Variants in PLA2G4A observed in about 807,000 individuals in gnomAD.
PLA2G4A encodes phospholipase A2 group IVA, also known as cytosolic phospholipase A2.
Under a neutral mutation model 81.9 loss-of-function variants are expected in PLA2G4A, and 40 were observed. The observed-to-expected ratio is 0.49, with a 90% CI of 0.38 to 0.64. The LOEUF (loss-of-function observed/expected upper bound fraction) is 0.64, where lower values mean the gene tolerates loss of function less well. Ranked by LOEUF, PLA2G4A falls within the 30% of genes least tolerant of loss-of-function variation. PLA2G4A has a pLI of 0.00. For missense variants in PLA2G4A, 715 were observed against 905.1 expected (o/e 0.79, Z 2.69); for synonymous variants, 302 against 296.9 (o/e 1.02, Z -0.18).
intron 14 of PLA2G4A, among the ~76,000 whole-genome samples, chr1:186,961,055 C>A (rs138435912): frequency 1.3e-5 from 2 of 152,144 alleles, no homozygotes; most frequent in East Asian, 3.9e-4. Flanking sequence ...CATGGGTGAA[C>A]TTAGTGGATA....
chr1:186,980,421 C>T (rs1030222472), intron 17 of PLA2G4A, among the ~76,000 whole-genome samples: 4 of 152,192 alleles, frequency 2.6e-5, no homozygotes, highest in East Asian at 1.9e-4. Flanking sequence ...AAATCATTGA[C>T]TTGTGGTTCC....
chr1:186,916,165 T>G (rs1655129453), intron 7 of PLA2G4A, among the ~76,000 whole-genome samples: 1 of 17,176 alleles, frequency 5.8e-5, no homozygotes, highest in Non-Finnish European at 9.4e-5. Context: ...AGGAGAGCGT[T>G]CGTAAACTTC....
chr1:186,948,624 T>C (rs908301261), intron 12 of PLA2G4A, among the ~76,000 whole-genome samples: 3 of 152,152 alleles, frequency 2.0e-5, no homozygotes, highest in African/African-American at 7.2e-5. Context: ...TTTTTCTTCT[T>C]AAGGCAGGAA....
intron 1 of PLA2G4A, among the ~76,000 whole-genome samples, chr1:186,849,862 T>C (rs1331478586): frequency 6.6e-6 from 1 of 152,100 alleles, no homozygotes; most frequent in African/African-American, 2.4e-5. Context: ...CCTTGAACAA[T>C]GTTTGACACA....
At chr1:186,980,150 G>T (rs1264954394) in intron 17 of PLA2G4A, among the ~76,000 whole-genome samples, 1 of 151,972 alleles carries the variant, frequency 6.6e-6, no homozygotes, top group African/African-American at 2.4e-5. Flanking sequence ...GGGTTTCACC[G>T]TGTTAGTCTC....
intron 3 of PLA2G4A, among the ~76,000 whole-genome samples, chr1:186,878,610 G>A (rs955315555): frequency 4.6e-5 from 7 of 151,790 alleles, no homozygotes; most frequent in South Asian, 2.1e-4. Flanking sequence ...GAAATATAAT[G>A]TGTTAGTAAG....
chr1:186,832,646 G>T (rs1651634976), intron 1 of PLA2G4A, among the ~76,000 whole-genome samples: 1 of 152,124 alleles, frequency 6.6e-6, no homozygotes, highest in Non-Finnish European at 1.5e-5. Context: ...GTTGAACAAA[G>T]TTGAGCAATT....
In PLA2G4A at chr1:186,929,326, A is replaced by C. The variant is rs185047410; in HGVS notation, c.559-3437A>C. The stretch of plus-strand genomic sequence containing the variant: ...TTCCTTTTGAGAGTTGGGAAGATTA[A>C]ATGAAATAAATTGTGTGAAAGTGTC... On this transcript the variant is annotated intron_variant, in intron 7 of 17. Transcript: ENST00000367466. Among the ~76,000 whole-genome samples the C allele has an allele frequency of 7.2e-5, 11 of 152,344 alleles. No homozygotes were observed. In the East Asian group the frequency reaches 2.1e-3, roughly 29 times the overall value.
intron 1 of PLA2G4A, among the ~76,000 whole-genome samples, chr1:186,842,592 A>G (rs1424255833): frequency 6.6e-6 from 1 of 152,226 alleles, no homozygotes; most frequent in Non-Finnish European, 1.5e-5. Flanking sequence ...CTGGTAGGGC[A>G]TGTCCTAATC....
intron 2 of PLA2G4A, among the ~76,000 whole-genome samples, chr1:186,859,869 A>G (rs1652734369): frequency 6.6e-6 from 1 of 152,150 alleles, no homozygotes; most frequent in South Asian, 2.1e-4. Flanking sequence ...TGTCTGCTTC[A>G]CAGAGCTTTT....
intron 2 of PLA2G4A, among the ~76,000 whole-genome samples, chr1:186,862,673 C>T (rs1300071483): frequency 6.6e-6 from 1 of 152,062 alleles, no homozygotes; most frequent in Non-Finnish European, 1.5e-5. Flanking sequence ...ATTTGAAAAC[C>T]ATCTGTGCAA....
chr1:186,970,217 G>A (rs533227874), intron 15 of PLA2G4A, among the ~76,000 whole-genome samples: 17 of 152,030 alleles, frequency 1.1e-4, no homozygotes, highest in Middle Eastern at 3.4e-3. Context: ...CTTCTTTTGC[G>A]AAGTATCTAT....
At chr1:186,985,211 C>T (rs1013948733) in intron 17 of PLA2G4A, among the ~76,000 whole-genome samples, 8 of 152,286 alleles carry the variant, frequency 5.3e-5, no homozygotes, top group Admixed American at 2.6e-4. Flanking sequence ...CACTTAAAAA[C>T]CCTGCCTGTC....
At chr1:186,924,521 A>G (rs1353850975) in intron 7 of PLA2G4A, among the ~76,000 whole-genome samples, 2 of 152,018 alleles carry the variant, frequency 1.3e-5, no homozygotes, top group East Asian at 1.9e-4. Flanking sequence ...CGTTCCTTAC[A>G]TATAGTAATT....
intron 3 of PLA2G4A, among the ~76,000 whole-genome samples, chr1:186,874,748 T>C (rs917226900): frequency 1.3e-5 from 2 of 152,048 alleles, no homozygotes; most frequent in Non-Finnish European, 2.9e-5. Flanking sequence ...AAAAAATACA[T>C]ATGCTTGGGA....
At chr1:186,869,764 A>G (rs751073053) in intron 2 of PLA2G4A, among the ~76,000 whole-genome samples, 13 of 152,234 alleles carry the variant, frequency 8.5e-5, no homozygotes, top group South Asian at 2.1e-4. Context: ...TCCAAGAACT[A>G]TGTGAGTTCC....
rs530673638 is a variant in PLA2G4A at position 186,962,522 on chromosome 1, A to G, written c.1580-2887A>G. ...TATTTATTTATTTATTTATTTATTT[A>G]TTTATTTATTTATTTTTGAGACGGA... On this transcript the variant is annotated intron_variant, in intron 14 of 17. Coordinates refer to ENST00000367466, the MANE Select transcript of PLA2G4A (RefSeq NM_024420.3). Among the ~76,000 whole-genome samples, 23 of 148,674 alleles carry G rather than the reference A, an allele frequency of 1.5e-4. No homozygotes were observed. In the South Asian group the frequency reaches 4.9e-3, roughly 32 times the overall value.
chr1:186,910,775 G>C (rs1243593113), intron 6 of PLA2G4A, among the ~76,000 whole-genome samples: 1 of 152,124 alleles, frequency 6.6e-6, no homozygotes, highest in Admixed American at 6.6e-5. Context: ...CATTAGACAA[G>C]GCAATTAATT....
Position 186,958,823 on chromosome 1 carries a change from C to T in PLA2G4A, c.1579+2479C>T, listed in dbSNP as rs1321463562. 2.0e-5 allele frequency among the ~76,000 whole-genome samples: 3 copies of T among 152,146 alleles called. No individual in the cohort carries two copies. The East Asian group carries it at 5.8e-4, about 29-fold the overall frequency. On this transcript the variant is annotated intron_variant, in intron 14 of 17. Transcript: ENST00000367466. ...TTTTAACAACTTCCTGGAAGTTTTG[C>T]AATATTTTATGTAGATTTGGTGGTG...
Sources: gnomAD v4.1 joint callset for allele counts (sites outside exome capture counted in the v4.1 genomes callset) on GRCh38, gnomAD v4.1.1 for gene constraint, MANE v1.5 for transcripts, NCBI Gene and HGNC (gene_info 2026-07-23, HGNC 2026-07-21) for gene names.